The following PIK3C2G variants were observed in gnomAD, a reference collection of about 807,000 sequenced individuals.
PIK3C2G encodes phosphatidylinositol 3-kinase C2 domain-containing subunit gamma.
Under a neutral mutation model 181.1 loss-of-function variants are expected in PIK3C2G, and 168 were observed. The ratio of observed to expected loss-of-function variants is 0.93; its 90% CI spans 0.82 to 1.05. The LOEUF is 1.05. Ranked by LOEUF, PIK3C2G falls within the 50% of genes least tolerant of loss-of-function variation. The probability of loss-of-function intolerance (pLI) is 0.00; values close to 1 mark genes in which losing one functional copy is unlikely to be tolerated. For missense variants in PIK3C2G, 1,869 were observed against 1,732.8 expected (o/e 1.08, Z -1.40); for synonymous variants, 573 against 592.2 (o/e 0.97, Z 0.47).
chr12:18,274,441 G>A (rs1388165293), intron 1 of PIK3C2G, among the ~76,000 whole-genome samples: 1 of 152,100 alleles, frequency 6.6e-6, no homozygotes, highest in African/African-American at 2.4e-5. Flanking sequence ...AAGAAAATGT[G>A]GCACATATAC....
chr12:18,355,236 C>A (rs1446924922), intron 11 of PIK3C2G, among the ~76,000 whole-genome samples: 1 of 152,156 alleles, frequency 6.6e-6, no homozygotes, highest in East Asian at 1.9e-4. Context: ...ATTTCAGGGT[C>A]CTTTTAAATT....
intron 24 of PIK3C2G, among the ~76,000 whole-genome samples, chr12:18,532,633 G>T: frequency 6.6e-6 from 1 of 152,034 alleles, no homozygotes; most frequent in East Asian, 1.9e-4. Context: ...GCATGTATTT[G>T]TGTGGGTCTG....
intron 23 of PIK3C2G, among the ~76,000 whole-genome samples, chr12:18,504,072 C>CA (rs1192954046): frequency 4.6e-5 from 7 of 151,992 alleles, no homozygotes; most frequent in South Asian, 2.1e-4. Context: ...CTAATTCATG[C>CA]AAAAAATGCA....
At chr12:18,371,917 T>A (rs1024463886) in intron 13 of PIK3C2G, among the ~76,000 whole-genome samples, 3 of 152,174 alleles carry the variant, frequency 2.0e-5, no homozygotes, top group African/African-American at 4.8e-5. Context: ...AAATATTTTT[T>A]AAAAATCAAC....
chr12:18,541,542 C>A (rs190753375), intron 25 of PIK3C2G, among the ~76,000 whole-genome samples: 12 of 152,002 alleles, frequency 7.9e-5, no homozygotes, highest in Admixed American at 5.9e-4. Flanking sequence ...TATTTCCCAT[C>A]AGAGATCTTC....
intron 5 of PIK3C2G, among the ~76,000 whole-genome samples, chr12:18,294,584 G>A (rs1949852235): frequency 6.6e-6 from 1 of 151,812 alleles, no homozygotes; most frequent in Non-Finnish European, 1.5e-5. Context: ...CCTGTCCTCA[G>A]TATATCAACT....
At chr12:18,544,963 C>G (rs1274036647) in intron 25 of PIK3C2G, among the ~76,000 whole-genome samples, 1 of 151,824 alleles carries the variant, frequency 6.6e-6, no homozygotes, top group Non-Finnish European at 1.5e-5. Context: ...CCTAATCTAG[C>G]CTCTAAACGG....
the PIK3C2G span, chr12:18,683,342 T>C: frequency 6.2e-7 from 1 of 1,609,712 alleles, no homozygotes; most frequent in African/African-American, 1.3e-5. Context: ...AGGAATTATA[T>C]CTAATTAGAC....
chr12:18,442,469 A>G (rs1592270140), intron 18 of PIK3C2G, among the ~76,000 whole-genome samples: 1 of 152,324 alleles, frequency 6.6e-6, no homozygotes, highest in Non-Finnish European at 1.5e-5. Flanking sequence ...CCTCAAGGAA[A>G]GAAAAATAAA....
At chr12:18,424,358 A>T (rs865897550) in intron 18 of PIK3C2G, among the ~76,000 whole-genome samples, 1 of 152,176 alleles carries the variant, frequency 6.6e-6, no homozygotes, top group Non-Finnish European at 1.5e-5. Context: ...TTTAATGTAA[A>T]ATCTAGTTAT....
At chr12:18,277,197 A>T (rs1565544621) in intron 1 of PIK3C2G, among the ~76,000 whole-genome samples, 1 of 152,126 alleles carries the variant, frequency 6.6e-6, no homozygotes, top group African/African-American at 2.4e-5. Flanking sequence ...ATCTTCTCTG[A>T]ATTTATACAC....
chr12:18,355,704 T>G (rs1940665270), intron 11 of PIK3C2G, among the ~76,000 whole-genome samples: 1 of 152,134 alleles, frequency 6.6e-6, no homozygotes, highest in Non-Finnish European at 1.5e-5. Context: ...GGGGAGGGGA[T>G]GAGAAGGGAA....
At chr12:18,322,902 A>C (rs548348199) in intron 7 of PIK3C2G, among the ~76,000 whole-genome samples, 1 of 152,266 alleles carries the variant, frequency 6.6e-6, no homozygotes, top group South Asian at 2.1e-4. Flanking sequence ...CTTTCTCCAA[A>C]ATAAATCTAC....
intron 23 of PIK3C2G, among the ~76,000 whole-genome samples, chr12:18,505,060 G>A (rs143950335): frequency 9.9e-5 from 15 of 152,210 alleles, no homozygotes; most frequent in African/African-American, 3.1e-4. Context: ...AATATTTTCC[G>A]CAGTTTCAGT....
intron 22 of PIK3C2G, among the ~76,000 whole-genome samples, chr12:18,502,400 T>C (rs1941551980): frequency 6.6e-6 from 1 of 152,228 alleles, no homozygotes; most frequent in African/African-American, 2.4e-5. Context: ...CCCTGGTCTC[T>C]CTGGGAATTT....
the PIK3C2G span, among the ~76,000 whole-genome samples, chr12:18,724,302 A>G: frequency 6.6e-6 from 1 of 152,152 alleles, no homozygotes; most frequent in Non-Finnish European, 1.5e-5. Context: ...ATTCAGAAGA[A>G]TTCGACACAA....
At chr12:18,534,612 T>C (rs1261599262) in intron 24 of PIK3C2G, among the ~76,000 whole-genome samples, 1 of 151,856 alleles carries the variant, frequency 6.6e-6, no homozygotes, top group African/African-American at 2.4e-5. Flanking sequence ...CATCAAAATA[T>C]TGTTTCTGAT....
intron 9 of PIK3C2G, among the ~76,000 whole-genome samples, chr12:18,340,891 T>C (rs1470860964): frequency 6.6e-6 from 1 of 152,078 alleles, no homozygotes; most frequent in African/African-American, 2.4e-5. Flanking sequence ...AACGCCAATA[T>C]GAAGGCTTTA....
At chr12:18,462,240 G>A (rs1947957462) in intron 18 of PIK3C2G, among the ~76,000 whole-genome samples, 1 of 152,146 alleles carries the variant, frequency 6.6e-6, no homozygotes, top group Non-Finnish European at 1.5e-5. Flanking sequence ...TCCACAGTCT[G>A]TTAGCTAATC....
Sources: allele counts gnomAD v4.1 joint callset (sites outside exome capture counted in the v4.1 genomes callset), GRCh38; gene constraint gnomAD v4.1.1; transcripts MANE v1.5; gene names NCBI Gene and HGNC (gene_info 2026-07-23, HGNC 2026-07-21).